The following ENOX1 variants were observed in gnomAD, a reference collection of about 807,000 sequenced individuals.
The protein encoded by ENOX1 is ecto-NOX disulfide-thiol exchanger 1.
ENOX1 carries 42 observed loss-of-function variants against 82.5 expected under a neutral mutation model. The ratio of observed to expected loss-of-function variants is 0.51; its 90% CI spans 0.40 to 0.66. ENOX1 has a LOEUF of 0.66. Ranked by LOEUF, ENOX1 falls within the 30% of genes least tolerant of loss-of-function variation. The probability of loss-of-function intolerance (pLI) is 0.00; values close to 1 mark genes in which losing one functional copy is unlikely to be tolerated. For missense variants in ENOX1, 608 were observed against 811.6 expected (o/e 0.75, Z 3.05); for synonymous variants, 271 against 282.2 (o/e 0.96, Z 0.40).
chr13:43,376,113 AATT>A (rs1233483079), intron 5 of ENOX1, among the ~76,000 whole-genome samples: 18 of 152,204 alleles, frequency 1.2e-4, no homozygotes, highest in South Asian at 2.1e-4. Context: ...GCCCTTATTC[AATT>A]ATTTTTTTTT....
chr13:43,635,221 G>A lies in ENOX1; in HGVS notation c.-219+32258C>T, dbSNP rs578089031. On this transcript the variant is annotated intron_variant, in intron 2 of 16. Transcript: ENST00000690772. ...AAAGGGGGTATAAGAGAAAAACTCTGTAAGTAATCAGTGGGAAATGGAAGC... is the reference window on the plus strand; with the variant it reads ...AAAGGGGGTATAAGAGAAAAACTCTATAAGTAATCAGTGGGAAATGGAAGC... 9.2e-5 allele frequency among the ~76,000 whole-genome samples: 14 copies of A among 152,324 alleles called. No homozygotes were observed. The East Asian group carries it at 2.3e-3, about 25-fold the overall frequency.
In ENOX1 at chr13:43,622,117, C is replaced by T. The variant is rs2082760151; in HGVS notation, c.-219+45362G>A. The stretch of plus-strand genomic sequence containing the variant: ...TTGATTTTGTTTTCCTTTAAGCTAT[C>T]TAGTTCCTTGAATATTCCTCCCTTC... On this transcript the variant is annotated intron_variant, in intron 2 of 16. Transcript: ENST00000690772. 2.0e-5 allele frequency among the ~76,000 whole-genome samples: 3 copies of T among 152,162 alleles called. No homozygotes were observed. The South Asian group carries it at 6.2e-4, about 32-fold the overall frequency.
intron 3 of ENOX1, among the ~76,000 whole-genome samples, chr13:43,482,601 G>A (rs141409374): frequency 6.6e-6 from 1 of 150,886 alleles, no homozygotes; most frequent in African/African-American, 2.4e-5. Flanking sequence ...TTAAAAATTT[G>A]TTAAAGGGTA....
intron 14 of ENOX1, among the ~76,000 whole-genome samples, chr13:43,242,462 T>C (rs2042884781): frequency 6.6e-6 from 1 of 152,264 alleles, no homozygotes; most frequent in Admixed American, 6.5e-5. Context: ...TCAATCTTAA[T>C]TCTTTAAGCT....
At chr13:43,352,012 G>A (rs1191665669) in intron 8 of ENOX1, among the ~76,000 whole-genome samples, 3 of 152,180 alleles carry the variant, frequency 2.0e-5, no homozygotes, top group Admixed American at 1.3e-4. Flanking sequence ...TTTAGCTAAT[G>A]GGACATCCAC....
chr13:43,475,825 T>C (rs1161905832), intron 3 of ENOX1, among the ~76,000 whole-genome samples: 1 of 148,716 alleles, frequency 6.7e-6, no homozygotes, highest in African/African-American at 2.5e-5. Flanking sequence ...AGAAAGGCTT[T>C]AATCTCTTAG....
At chr13:43,300,229 C>G (rs768676806) in intron 11 of ENOX1, among the ~76,000 whole-genome samples, 39 of 152,112 alleles carry the variant, frequency 2.6e-4, no homozygotes, top group Non-Finnish European at 2.5e-4. Context: ...AAAGAGGAGA[C>G]AGAATACATC....
intron 1 of ENOX1, among the ~76,000 whole-genome samples, chr13:43,705,619 T>C (rs1445356278): frequency 6.6e-6 from 1 of 152,010 alleles, no homozygotes; most frequent in East Asian, 1.9e-4. Flanking sequence ...GGTGTTACTA[T>C]AGAGGGCCGT....
intron 1 of ENOX1, among the ~76,000 whole-genome samples, chr13:43,675,517 T>C (rs1381739856): frequency 6.6e-6 from 1 of 152,198 alleles, no homozygotes; most frequent in Non-Finnish European, 1.5e-5. Context: ...CACACATATA[T>C]GCATATATAC....
chr13:43,271,943 A>C (rs917378541), intron 12 of ENOX1, among the ~76,000 whole-genome samples: 6 of 151,862 alleles, frequency 4.0e-5, no homozygotes, highest in Admixed American at 1.3e-4. Flanking sequence ...CTATGTTTTA[A>C]ATTAGCATTA....
At chr13:43,691,945 C>A (rs2086389690) in intron 1 of ENOX1, among the ~76,000 whole-genome samples, 1 of 152,120 alleles carries the variant, frequency 6.6e-6, no homozygotes, top group Non-Finnish European at 1.5e-5. Flanking sequence ...TGTGATCCAC[C>A]CACCTCAGCC....
At chr13:43,393,586 GTGGA>G (rs35153723) in intron 5 of ENOX1, among the ~76,000 whole-genome samples, 17,520 of 151,740 alleles carry the variant, frequency 0.12, 1,044 homozygotes, top group East Asian at 0.23. Context: ...CGACAGGTGG[GTGGA>G]TGGATGGATG....
At chr13:43,222,392 C>T (rs2041836892) in intron 16 of ENOX1, among the ~76,000 whole-genome samples, 1 of 151,892 alleles carries the variant, frequency 6.6e-6, no homozygotes, top group Non-Finnish European at 1.5e-5. Flanking sequence ...CACACACACA[C>T]ACACACACAC....
intron 1 of ENOX1, among the ~76,000 whole-genome samples, chr13:43,772,620 A>G (rs1314269139): frequency 6.6e-6 from 1 of 152,068 alleles, no homozygotes; most frequent in Admixed American, 6.6e-5. Flanking sequence ...GTGGTGGTAC[A>G]CACCTGTAAT....
chr13:43,315,420 A>G (rs1473663082), intron 11 of ENOX1, among the ~76,000 whole-genome samples: 1 of 152,208 alleles, frequency 6.6e-6, no homozygotes, highest in Admixed American at 6.5e-5. Flanking sequence ...ATAAATGAAA[A>G]CGGAAAATCA....
At chr13:43,720,369 A>G (rs1181384180) in intron 1 of ENOX1, among the ~76,000 whole-genome samples, 2 of 152,192 alleles carry the variant, frequency 1.3e-5, no homozygotes, top group African/African-American at 2.4e-5. Flanking sequence ...AGCCCGTTCA[A>G]TGCCTCTCTC....
At chr13:43,347,219 C>T (rs556888830) in intron 8 of ENOX1, among the ~76,000 whole-genome samples, 9 of 152,128 alleles carry the variant, frequency 5.9e-5, no homozygotes, top group Non-Finnish European at 1.3e-4. Flanking sequence ...AATAAGTTCA[C>T]CAGCAGATTA....
intron 2 of ENOX1, among the ~76,000 whole-genome samples, chr13:43,541,171 C>CTGTTTTTTTTTTT (rs2078694853): frequency 2.6e-5 from 1 of 38,734 alleles, no homozygotes; most frequent in Non-Finnish European, 6.1e-5. Flanking sequence ...CTTCTTCCCT[C>CTGTTTTTTTTTTT]TGTTTTTTTT....
chr13:43,250,951 A>G (rs892124090), intron 14 of ENOX1, among the ~76,000 whole-genome samples: 6 of 152,240 alleles, frequency 3.9e-5, no homozygotes, highest in Admixed American at 2.0e-4. Context: ...AGTATGGTCC[A>G]CAGACTGGTA....
Sources: gnomAD v4.1 joint callset for allele counts (sites outside exome capture counted in the v4.1 genomes callset) on GRCh38, gnomAD v4.1.1 for gene constraint, MANE v1.5 for transcripts, NCBI Gene and HGNC (gene_info 2026-07-23, HGNC 2026-07-21) for gene names.